The following WWOX variants were observed in gnomAD, a reference collection of about 807,000 sequenced individuals.
The protein encoded by WWOX is WW domain-containing oxidoreductase.
In WWOX, 69 loss-of-function variants were observed where a neutral mutation model predicts 46.2. That is an observed-to-expected ratio of 1.49 (90% CI 1.23 to 1.82). The LOEUF (loss-of-function observed/expected upper bound fraction) is 1.82, where lower values mean the gene tolerates loss of function less well. WWOX is among the 40% of genes most tolerant of loss of function. WWOX has a pLI of 0.00. For synonymous variants in WWOX, 359 were observed against 202.6 expected (o/e 1.77, Z -6.56); for missense variants, 919 against 542.6 (o/e 1.69, Z -6.89).
chr16:79,081,574 C>G (rs2048761091), intron 8 of WWOX, among the ~76,000 whole-genome samples: 3 of 152,168 alleles, frequency 2.0e-5, no homozygotes, highest in African/African-American at 4.8e-5. Context: ...TTGTGGGGCC[C>G]TGAACAAAAA....
intron 8 of WWOX, chr16:78,550,837 G>A (rs998885946): frequency 3.3e-5 from 5 of 152,090 alleles, no homozygotes; most frequent in African/African-American, 9.7e-5. Context: ...AAGGCTGAGG[G>A]CGGACCTAAT....
At chr16:78,963,644 A>G (rs908181230) in intron 8 of WWOX, among the ~76,000 whole-genome samples, 2 of 152,226 alleles carry the variant, frequency 1.3e-5, no homozygotes, top group Non-Finnish European at 2.9e-5. Flanking sequence ...TGATGTCATG[A>G]TAAGGCTATT....
At chr16:78,607,335 C>T (rs1028962403) in intron 8 of WWOX, among the ~76,000 whole-genome samples, 2 of 152,068 alleles carry the variant, frequency 1.3e-5, no homozygotes, top group African/African-American at 2.4e-5. Flanking sequence ...ATGAAATACG[C>T]TTACATCATT....
chr16:78,391,950 G>T (rs763241701), intron 6 of WWOX, among the ~76,000 whole-genome samples: 6 of 150,836 alleles, frequency 4.0e-5, no homozygotes, highest in African/African-American at 7.3e-5. Context: ...TTTGAATCAG[G>T]ATTCAAATAA....
intron 8 of WWOX, chr16:78,872,864 C>G (rs967065339): frequency 1.3e-5 from 2 of 152,240 alleles, no homozygotes; most frequent in African/African-American, 4.8e-5. Context: ...GTGGTGTGAT[C>G]TCAGCTCAGT....
chr16:78,505,791 C>G (rs998316991), intron 8 of WWOX, among the ~76,000 whole-genome samples: 1 of 151,402 alleles, frequency 6.6e-6, no homozygotes, highest in African/African-American at 2.4e-5. Context: ...TCCAGCTGGC[C>G]CACATACTAC....
At chr16:78,232,117 C>G (rs1470861070) in intron 5 of WWOX, among the ~76,000 whole-genome samples, 12 of 152,166 alleles carry the variant, frequency 7.9e-5, no homozygotes, top group East Asian at 1.9e-4. Flanking sequence ...GTAAGTATAC[C>G]TTATTTTTTT....
intron 8 of WWOX, among the ~76,000 whole-genome samples, chr16:78,732,814 G>A (rs530461422): frequency 1.3e-5 from 2 of 152,296 alleles, no homozygotes; most frequent in Non-Finnish European, 2.9e-5. Context: ...GCAGGTAGAA[G>A]TAATTATTTC....
At chr16:78,665,825 C>T (rs895568981) in intron 8 of WWOX, among the ~76,000 whole-genome samples, 2 of 152,120 alleles carry the variant, frequency 1.3e-5, no homozygotes, top group Non-Finnish European at 2.9e-5. Flanking sequence ...GCTGGGATTA[C>T]AGGCATGCAC....
intron 8 of WWOX, among the ~76,000 whole-genome samples, chr16:78,837,559 T>G (rs1176707775): frequency 6.6e-6 from 1 of 152,198 alleles, no homozygotes; most frequent in African/African-American, 2.4e-5. Context: ...TTATTATTTT[T>G]TATTTTCTAG....
intron 8 of WWOX, among the ~76,000 whole-genome samples, chr16:79,094,280 G>T (rs1304805479): frequency 2.7e-5 from 4 of 150,040 alleles, no homozygotes; most frequent in Non-Finnish European, 4.4e-5. Context: ...TTGATACGGG[G>T]TCTCGCTCTG....
chr16:79,104,970 G>C (rs537045830), intron 8 of WWOX, among the ~76,000 whole-genome samples: 1 of 152,302 alleles, frequency 6.6e-6, no homozygotes, highest in African/African-American at 2.4e-5. Context: ...GGGTGCACCT[G>C]TCCGCCACCC....
intron 8 of WWOX, among the ~76,000 whole-genome samples, chr16:78,926,861 A>T (rs1424071956): frequency 6.6e-6 from 1 of 152,132 alleles, no homozygotes; most frequent in Admixed American, 6.5e-5. Flanking sequence ...CATTGGTGCG[A>T]TGAAGGCTTA....
At position 79,005,783 on chromosome 16, in the gene WWOX, G is replaced by T. The variant is rs571384466; in HGVS notation, c.1057-205825G>T. 1.6e-4 allele frequency among the ~76,000 whole-genome samples: 25 copies of T among 152,232 alleles called. 1 individual carries two copies. The highest frequency in any genetic ancestry group is 5.5e-4 in the African/African-American group (23 of 41,556). ...TTTCCAAATAAGGTCACATTCTGAG[G>T]CCCTGGGTGGACATGCATTTTAGGG... On this transcript the variant is annotated intron_variant, in intron 8 of 8. Transcript: ENST00000566780.
chr16:78,798,377 C>T (rs901424302), intron 8 of WWOX, among the ~76,000 whole-genome samples: 1 of 152,074 alleles, frequency 6.6e-6, no homozygotes, highest in African/African-American at 2.4e-5. Context: ...AAGCTAATAA[C>T]ACAACCCAAG....
intron 8 of WWOX, among the ~76,000 whole-genome samples, chr16:78,944,322 C>G (rs934777310): frequency 6.6e-6 from 1 of 152,144 alleles, no homozygotes; most frequent in Non-Finnish European, 1.5e-5. Context: ...AATTATATGT[C>G]TGTTTTATGT....
intron 8 of WWOX, among the ~76,000 whole-genome samples, chr16:78,783,974 A>T (rs1014479000): frequency 2.0e-5 from 3 of 151,956 alleles, no homozygotes; most frequent in African/African-American, 7.2e-5. Context: ...GGTGATGATG[A>T]TAATGATAGT....
chr16:78,895,410 G>A (rs970327320), intron 8 of WWOX: 1 of 152,144 alleles, frequency 6.6e-6, no homozygotes, highest in Non-Finnish European at 1.5e-5. Flanking sequence ...CTCCTCTGTG[G>A]GGTCAAAACA....
chr16:79,037,052 A>G (rs922100575), intron 8 of WWOX, among the ~76,000 whole-genome samples: 2 of 152,148 alleles, frequency 1.3e-5, no homozygotes, highest in Admixed American at 6.6e-5. Flanking sequence ...GCACTCTGTT[A>G]AGAATGCAGG....
Sources: gnomAD v4.1 joint callset for allele counts (sites outside exome capture counted in the v4.1 genomes callset) on GRCh38, gnomAD v4.1.1 for gene constraint, MANE v1.5 for transcripts, NCBI Gene and HGNC (gene_info 2026-07-23, HGNC 2026-07-21) for gene names.